Variants in GABRG3 observed in about 807,000 individuals in gnomAD.
The protein encoded by GABRG3 is gamma-aminobutyric acid type A receptor subunit gamma3.
In GABRG3, 25 loss-of-function variants were observed where a neutral mutation model predicts 48.8. The ratio of observed to expected loss-of-function variants is 0.51; its 90% CI spans 0.37 to 0.72. The LOEUF (loss-of-function observed/expected upper bound fraction) is 0.72, where lower values mean the gene tolerates loss of function less well. Among genes scored for constraint, GABRG3 ranks in the 30% least tolerant of loss-of-function variants. The pLI, the probability that GABRG3 is intolerant of heterozygous loss-of-function variation, is 0.00. For missense variants in GABRG3, 394 were observed against 577.9 expected (o/e 0.68, Z 3.26); for synonymous variants, 227 against 217.6 (o/e 1.04, Z -0.38).
rs535922311 is a variant in GABRG3, at chr15:27,405,804, A to G, written c.575-74846A>G. On this transcript the variant is annotated intron_variant, in intron 5 of 9. Transcript: ENST00000615808. ...TCTTGGTCTCTAAATATGATTTTCTAATAAAATAAACTGGGACTCCTTTAA... is the reference window on the plus strand; with the variant it reads ...TCTTGGTCTCTAAATATGATTTTCTGATAAAATAAACTGGGACTCCTTTAA... Among the ~76,000 whole-genome samples, 8 of 151,948 alleles carry G rather than the reference A, an allele frequency of 5.3e-5. No individual in the cohort carries two copies. The East Asian group carries it at 1.6e-3, about 30-fold the overall frequency.
chr15:27,042,765 C>T (rs1357579212), intron 3 of GABRG3, among the ~76,000 whole-genome samples: 4 of 152,230 alleles, frequency 2.6e-5, no homozygotes, highest in Non-Finnish European at 5.9e-5. Flanking sequence ...TGCTCAGCCA[C>T]CTGGATGACT....
At chr15:26,979,510 A>G (rs1895014076) in intron 2 of GABRG3, among the ~76,000 whole-genome samples, 1 of 152,148 alleles carries the variant, frequency 6.6e-6, no homozygotes, top group Non-Finnish European at 1.5e-5. Flanking sequence ...CAGTTGAGAA[A>G]GTTCTCTCTA....
At chr15:27,357,555 A>G (rs557600073) in intron 5 of GABRG3, among the ~76,000 whole-genome samples, 4 of 152,336 alleles carry the variant, frequency 2.6e-5, no homozygotes, top group African/African-American at 4.8e-5. Flanking sequence ...TAAGTGACAC[A>G]TTTCTAAAAA....
intron 3 of GABRG3, among the ~76,000 whole-genome samples, chr15:27,103,735 T>G (rs1240524977): frequency 6.6e-6 from 1 of 152,154 alleles, no homozygotes; most frequent in Admixed American, 6.5e-5. Flanking sequence ...AATGACCAAT[T>G]CTTGAGGTCA....
chr15:27,047,853 ACTTTAT>A (rs766234013), intron 3 of GABRG3, among the ~76,000 whole-genome samples: 2 of 152,224 alleles, frequency 1.3e-5, no homozygotes, highest in African/African-American at 2.4e-5. Flanking sequence ...TTAATTGTGC[ACTTTAT>A]CTTTATTTGG....
chr15:27,010,838 T>C (rs1895671759), intron 2 of GABRG3, among the ~76,000 whole-genome samples: 1 of 152,072 alleles, frequency 6.6e-6, no homozygotes, highest in African/African-American at 2.4e-5. Context: ...GTTGTTTTTG[T>C]TTGTTTGTTT....
chr15:27,530,649 G>A (rs770382301), intron 9 of GABRG3: 1 of 470,998 alleles, frequency 2.1e-6, no homozygotes, highest in Non-Finnish European at 4.4e-6. Flanking sequence ...GCCTCCAAGG[G>A]TTGCCCTTTA....
chr15:27,326,723 G>T, intron 3 of GABRG3, 86 bp from the exon 4 acceptor site: 1 of 1,089,174 alleles, frequency 9.2e-7, no homozygotes. Flanking sequence ...TCAACATGGA[G>T]AGAACACAAC....
intron 3 of GABRG3, among the ~76,000 whole-genome samples, chr15:27,036,594 G>A (rs1474143975): frequency 1.3e-5 from 2 of 152,144 alleles, no homozygotes; most frequent in African/African-American, 4.8e-5. Flanking sequence ...GGAGGCTGAG[G>A]CAGGAGAATC....
At chr15:27,487,742 G>T (rs911267805) in intron 6 of GABRG3, among the ~76,000 whole-genome samples, 1 of 152,134 alleles carries the variant, frequency 6.6e-6, no homozygotes, top group African/African-American at 2.4e-5. Context: ...TCTTAAATCT[G>T]TACCATGACA....
At chr15:27,279,678 G>A (rs1378097) in intron 3 of GABRG3, among the ~76,000 whole-genome samples, 67,420 of 151,930 alleles carry the variant, frequency 0.44, 17,913 homozygotes, top group Non-Finnish European at 0.61. Flanking sequence ...GTATGTATAA[G>A]TCTTATAGTC....
chr15:27,271,910 T>C (rs1474982767), intron 3 of GABRG3, among the ~76,000 whole-genome samples: 1 of 152,210 alleles, frequency 6.6e-6, no homozygotes, highest in Non-Finnish European at 1.5e-5. Flanking sequence ...CCTGGGAGCT[T>C]GTGCATTCTG....
intron 5 of GABRG3, among the ~76,000 whole-genome samples, chr15:27,372,928 T>C (rs1410582598): frequency 6.6e-6 from 1 of 152,242 alleles, no homozygotes; most frequent in Non-Finnish European, 1.5e-5. Flanking sequence ...TCTTCTCAGC[T>C]ACATTGCTTG....
At position 27,538,015 on chromosome 15, in the gene GABRG3, A is replaced by G. The variant is rs1249283480; in HGVS notation, c.*5134A>G. 1.3e-5 allele frequency: 2 copies of G among 151,788 alleles called. No individual in the cohort carries two copies. Among genetic ancestry groups the G allele is most frequent in the Non-Finnish European group, 2.9e-5 (2 of 67,978 alleles). The allele number at this position is 151,788 out of a possible 1,614,324, so 9.4% of individuals were successfully genotyped here. ...CCACCATGTCTGGCTAATTTTTTAT[A>G]TTTTTAGTAGAGATGGGCTTTCACC... On this transcript the variant is annotated 3_prime_UTR_variant, in exon 10 of 10. Coordinates refer to ENST00000615808, the MANE Select transcript of GABRG3 (RefSeq NM_033223.5).
intron 5 of GABRG3, chr15:27,350,213 C>T: frequency 2.2e-6 from 1 of 455,638 alleles, no homozygotes. Context: ...CAGATCACCT[C>T]CTCGGAGACT....
rs1407139107 is a variant in GABRG3 at position 26,971,222 on chromosome 15, C to A, written c.-314C>A. On this transcript the variant is annotated 5_prime_UTR_variant, in exon 1 of 10. Coordinates refer to ENST00000615808, the MANE Select transcript of GABRG3 (RefSeq NM_033223.5). ...CCCGGCCTGGGCACCCGCGCCCGCTCGCGGCTCCAGGCGGGGTGGGCGGCG... is the reference window on the plus strand; with the variant it reads ...CCCGGCCTGGGCACCCGCGCCCGCTAGCGGCTCCAGGCGGGGTGGGCGGCG... 6.6e-6 allele frequency: 1 copy of A among 151,480 alleles called. No homozygotes were observed. Among genetic ancestry groups the A allele is most frequent in the Non-Finnish European group, 1.5e-5 (1 of 67,986 alleles). The allele number at this position is 151,480 out of a possible 1,614,324, so 9.4% of individuals were successfully genotyped here.
Position 27,410,840 on chromosome 15 carries a change from A to C in GABRG3, c.575-69810A>C, listed in dbSNP as rs989763031. On this transcript the variant is annotated intron_variant, in intron 5 of 9. Transcript: ENST00000615808. ...AAAGAGAGAGAGAGCACACGTGCGC[A>C]CGCTCGTGTGTGTGTGTGTGTGTGT... Among the ~76,000 whole-genome samples the C allele has an allele frequency of 2.4e-5, 3 of 122,574 alleles. No homozygotes were observed. The Admixed American group carries it at 2.8e-4, about 11-fold the overall frequency. The allele number at this position is 122,574 out of a possible 152,430, so 80.4% of individuals were successfully genotyped here. A position where few individuals can be genotyped will look rare whatever the true frequency, so the allele number is the denominator to read the frequency against.
intron 3 of GABRG3, among the ~76,000 whole-genome samples, chr15:27,091,978 G>C (rs946129141): frequency 2.0e-5 from 3 of 152,274 alleles, no homozygotes; most frequent in African/African-American, 7.2e-5. Context: ...AAGTTTTTCA[G>C]CATTTCTTAG....
intron 3 of GABRG3, among the ~76,000 whole-genome samples, chr15:27,250,819 G>C (rs935198962): frequency 5.3e-5 from 8 of 152,188 alleles, no homozygotes; most frequent in Admixed American, 2.0e-4. Flanking sequence ...GAAGAGTGCA[G>C]AGGCTGAGGC....
Sources: gnomAD v4.1 joint callset for allele counts (sites outside exome capture counted in the v4.1 genomes callset) on GRCh38, gnomAD v4.1.1 for gene constraint, MANE v1.5 for transcripts, NCBI Gene and HGNC (gene_info 2026-07-23, HGNC 2026-07-21) for gene names.